Variants in CDK13 observed in about 807,000 individuals in gnomAD.
The protein encoded by CDK13 is cyclin dependent kinase 13.
In CDK13, 40 loss-of-function variants were observed where a neutral mutation model predicts 137.6. The ratio of observed to expected loss-of-function variants is 0.29; its 90% CI spans 0.23 to 0.38. CDK13 has a LOEUF of 0.38. Among genes scored for constraint, CDK13 ranks in the 10% least tolerant of loss-of-function variants. The pLI, the probability that CDK13 is intolerant of heterozygous loss-of-function variation, is 1.00. For missense variants in CDK13, 1,704 were observed against 1,951.8 expected, an observed-to-expected ratio of 0.87 and a Z score of 2.39; for synonymous variants, 869 against 760.1, an observed-to-expected ratio of 1.14 and a Z score of -2.36.
intron 9 of CDK13, among the ~76,000 whole-genome samples, chr7:40,075,982 G>A (rs1045474591): frequency 6.6e-6 from 1 of 152,152 alleles, no homozygotes; most frequent in Admixed American, 6.5e-5. Context: ...GCCTTTGCCT[G>A]TGTTCTCTCT....
Position 39,950,420 on chromosome 7 carries a change from C to T in CDK13, c.-222C>T. The T allele has an allele frequency of 8.1e-7, 1 of 1,232,286 alleles. No homozygotes were observed. Among genetic ancestry groups the T allele is most frequent in the Non-Finnish European group, 1.0e-6 (1 of 988,252 alleles). 76.3% of individuals were successfully genotyped at this position (1,232,286 alleles called of 1,614,324 possible). A position where few individuals can be genotyped will look rare whatever the true frequency, so the allele number is the denominator to read the frequency against. ...GAGCGCAATCGGGAGCTCCGCCGCC[C>T]GGATTCCTGCTTCCCTGGGGCCCGG... On this transcript the variant is annotated 5_prime_UTR_variant, in exon 1 of 14. Transcript: ENST00000181839.
intron 11 of CDK13, among the ~76,000 whole-genome samples, chr7:40,079,641 A>C (rs1354087923): frequency 6.6e-6 from 1 of 152,228 alleles, no homozygotes; most frequent in Non-Finnish European, 1.5e-5. Context: ...AAACTTGCCC[A>C]AGAATACAAA....
chr7:40,001,299 C>T (rs1784680677), intron 4 of CDK13, among the ~76,000 whole-genome samples: 1 of 151,156 alleles, frequency 6.6e-6, no homozygotes, highest in African/African-American at 2.4e-5. Context: ...GTGATCTTGG[C>T]TCACTGCAAC....
chr7:39,966,677 A>C (rs1027067260), intron 1 of CDK13, among the ~76,000 whole-genome samples: 11 of 152,154 alleles, frequency 7.2e-5, no homozygotes, highest in African/African-American at 2.6e-4. Flanking sequence ...CCTTTGGAGG[A>C]GGAGAGGCGC....
chr7:40,036,877 TG>T (rs1178699442), intron 5 of CDK13, among the ~76,000 whole-genome samples: 1 of 152,218 alleles, frequency 6.6e-6, no homozygotes, highest in Admixed American at 6.5e-5. Context: ...TGTCATCTAA[TG>T]ATATACATTC....
In CDK13 at chr7:40,099,279, C is replaced by A. The variant is rs1787098692; in HGVS notation, c.*4299C>A. 6.6e-6 allele frequency: 1 copy of A among 152,086 alleles called. No individual in the cohort carries two copies. The highest frequency in any genetic ancestry group is 2.1e-4 in the South Asian group (1 of 4,830). The allele number at this position is 152,086 out of a possible 1,614,324, so 9.4% of individuals were successfully genotyped here. On this transcript the variant is annotated 3_prime_UTR_variant, in exon 14 of 14. Coordinates refer to ENST00000181839, the MANE Select transcript of CDK13 (RefSeq NM_003718.5). ...TTTTATTGTAAAGGGAAGAACTTATCCTTTTAATTTTATGGACTAACAGAG... is the reference window on the plus strand; with the variant it reads ...TTTTATTGTAAAGGGAAGAACTTATACTTTTAATTTTATGGACTAACAGAG...
chr7:40,081,381 C>T (rs975097120), intron 11 of CDK13, among the ~76,000 whole-genome samples: 4 of 152,088 alleles, frequency 2.6e-5, no homozygotes, highest in Admixed American at 2.0e-4. Flanking sequence ...TTATATCACT[C>T]TTGTAAATAT....
Position 40,096,767 on chromosome 7 carries a change from A to G in CDK13, c.*1787A>G, listed in dbSNP as rs1431807643. On this transcript the variant is annotated 3_prime_UTR_variant, in exon 14 of 14. Transcript: ENST00000181839. The stretch of plus-strand genomic sequence containing the variant: ...TAATTTACCATTTTACTACTATAAA[A>G]TAAGTTGATATCAGTTGACCATTTT... 1.3e-5 allele frequency: 2 copies of G among 152,196 alleles called. No individual in the cohort carries two copies. The highest frequency in any genetic ancestry group is 1.3e-4 in the Admixed American group (2 of 15,280). The allele number at this position is 152,196 out of a possible 1,614,324, so 9.4% of individuals were successfully genotyped here. A position where few individuals can be genotyped will look rare whatever the true frequency, so the allele number is the denominator to read the frequency against.
intron 7 of CDK13, among the ~76,000 whole-genome samples, chr7:40,057,211 C>T (rs759491071): frequency 2.9e-4 from 44 of 152,216 alleles, no homozygotes; most frequent in Middle Eastern, 6.8e-3. Context: ...GCCGAGATCA[C>T]GCCACTGCAC....
intron 9 of CDK13, 100 bp from the exon 10 acceptor site, chr7:40,077,905 A>T: frequency 1.8e-6 from 1 of 554,516 alleles, no homozygotes. Context: ...CCAAGGCTTC[A>T]ATTTTTGTGT....
chr7:40,091,264 C>G (rs540213283), intron 12 of CDK13, among the ~76,000 whole-genome samples: 4 of 152,098 alleles, frequency 2.6e-5, no homozygotes, highest in African/African-American at 4.8e-5. Flanking sequence ...AGGAGAATGG[C>G]GTGAACCCAG....
At chr7:40,078,301 G>T (rs1786590362) in intron 10 of CDK13, 180 bp downstream of exon 10, 1 of 425,244 alleles carries the variant, frequency 2.4e-6, no homozygotes, top group African/African-American at 2.1e-5. Flanking sequence ...TATGGAATCA[G>T]TGATTTGAGA....
At chr7:40,030,552 C>T (rs145174792) in intron 5 of CDK13, among the ~76,000 whole-genome samples, 1,905 of 151,296 alleles carry the variant, frequency 0.013, 38 homozygotes, top group African/African-American at 0.044. Flanking sequence ...AGGTGCGCAC[C>T]ACCATGCCTG....
chr7:40,001,164 C>T (rs1480860375), intron 4 of CDK13, among the ~76,000 whole-genome samples: 2 of 150,032 alleles, frequency 1.3e-5, no homozygotes, highest in East Asian at 1.9e-4. Context: ...GTCTTTCCCT[C>T]GTTTACTTAA....
chr7:40,090,807 G>A (rs1195594350), intron 12 of CDK13, among the ~76,000 whole-genome samples: 2 of 152,224 alleles, frequency 1.3e-5, no homozygotes, highest in South Asian at 2.1e-4. Context: ...AGGAGGTCGA[G>A]ACTGCAGTGA....
At chr7:40,018,015 T>G (rs1383305857) in intron 5 of CDK13, among the ~76,000 whole-genome samples, 1 of 152,004 alleles carries the variant, frequency 6.6e-6, no homozygotes, top group Non-Finnish European at 1.5e-5. Flanking sequence ...TCGCTTTAAT[T>G]ATCACCACCC....
At chr7:40,009,254 A>G (rs1784850106) in intron 5 of CDK13, among the ~76,000 whole-genome samples, 1 of 152,252 alleles carries the variant, frequency 6.6e-6, no homozygotes, top group South Asian at 2.1e-4. Context: ...TAATGGCATA[A>G]TGTCACTTGG....
At chr7:40,028,853 A>G (rs1785302972) in intron 5 of CDK13, among the ~76,000 whole-genome samples, 1 of 151,762 alleles carries the variant, frequency 6.6e-6, no homozygotes, top group African/African-American at 2.4e-5. Context: ...GCAAATATAC[A>G]TAAAGAGAAA....
At chr7:40,010,189 A>G (rs1378927427) in intron 5 of CDK13, among the ~76,000 whole-genome samples, 2 of 152,132 alleles carry the variant, frequency 1.3e-5, no homozygotes, top group Non-Finnish European at 2.9e-5. Context: ...GTTTTCCTGC[A>G]ACTAGATGGT....
Sources: gnomAD v4.1 joint callset for allele counts (sites outside exome capture counted in the v4.1 genomes callset) on GRCh38, gnomAD v4.1.1 for gene constraint, MANE v1.5 for transcripts, NCBI Gene and HGNC (gene_info 2026-07-23, HGNC 2026-07-21) for gene names.